Variants in INO80B observed in about 807,000 individuals in gnomAD.
INO80B encodes IES2 homolog.
Under a neutral mutation model 31.4 loss-of-function variants are expected in INO80B, and 18 were observed. The observed-to-expected ratio is 0.57, with a 90% CI of 0.40 to 0.85. The LOEUF (loss-of-function observed/expected upper bound fraction) is 0.85, where lower values mean the gene tolerates loss of function less well. Ranked by LOEUF, INO80B falls within the 40% of genes least tolerant of loss-of-function variation. The probability of loss-of-function intolerance (pLI) is 0.00; values close to 1 mark genes in which losing one functional copy is unlikely to be tolerated. For missense variants in INO80B, 469 were observed against 475.4 expected (o/e 0.99, Z 0.13); for synonymous variants, 238 against 199.0 (o/e 1.20, Z -1.65).
Position 74,456,256 on chromosome 2 carries a change from T to G in INO80B, c.524T>G (p.Leu175Arg). 2 of 1,614,136 alleles carry G rather than the reference T, an allele frequency of 1.2e-6. No homozygotes were observed. The highest frequency in any genetic ancestry group is 1.7e-6 in the Non-Finnish European group (2 of 1,180,032). ...GDLKKEINER[L>R]LTARQRALLQ... ...CTCAAGAAGGAGATCAATGAGCGGC[T>G]GCTTACTGCTCGACAGGTATGTTGG... Residue 175 changes from leucine (L) to arginine (R), a missense_variant, in exon 4 of 5, where the codon CTG (leucine) becomes CGG (arginine). Transcript: ENST00000233331.
intron 2 of INO80B, 107 bp from the exon 3 acceptor site, chr2:74,455,706 GGTCCA>G (rs1671674370): frequency 1.6e-5 from 22 of 1,405,100 alleles, no homozygotes; most frequent in Non-Finnish European, 2.2e-5. Flanking sequence ...GTGACTTCAG[GGTCCA>G]GATTTAGGCA....
At chr2:74,456,028 C>T (rs1375059499) in intron 3 of INO80B, 75 bp from the exon 4 acceptor site, 8 of 1,551,742 alleles carry the variant, frequency 5.2e-6, no homozygotes, top group Non-Finnish European at 7.1e-6. Context: ...TTTTCCATGT[C>T]CCAGTATTAA....
At position 74,457,608 on chromosome 2, in the gene INO80B, T is replaced by A; in HGVS notation, c.815T>A (p.Met272Lys). The change falls in exon 5 of 5, where the codon ATG becomes AAG. Residue 272 changes from methionine to lysine, a missense_variant. Physicochemically the swap from Met to Lys is moderately conservative, Grantham distance 95. Coordinates refer to ENST00000233331, the MANE Select transcript of INO80B (RefSeq NM_031288.4). ...RGGRAAAPAP[M>K]VRYCSGAQGS... ...GGGCGGGCTGCGGCTCCGGCCCCCA[T>A]GGTGCGCTACTGCAGCGGAGCACAG... 4 of 1,564,536 alleles carry A rather than the reference T, an allele frequency of 2.6e-6. No homozygotes were observed. The South Asian group carries it at 3.5e-5, about 14-fold the overall frequency.
intron 1 of INO80B, 49 bp from the exon 2 acceptor site, chr2:74,455,357 C>A: frequency 6.2e-7 from 1 of 1,609,156 alleles, no homozygotes; most frequent in South Asian, 1.1e-5. Flanking sequence ...TTCAGGGCTT[C>A]CCCTGCCACC....
rs547269541 is a variant in INO80B, at chr2:74,457,468, C to T, written c.675C>T (p.Leu225=). 50 of 1,559,460 alleles carry T rather than the reference C, an allele frequency of 3.2e-5. No individual in the cohort carries two copies. The Admixed American group carries it at 7.8e-4, about 24-fold the overall frequency. ...AGGAGCGGGCGCGGAAGCGGCGGCT[C>T]CAGGCGGCGCGGCGGGCAGAAGAGC... ...KREERARKRR[L]QAARRAEEHK... The change falls in exon 5 of 5, where the codon CTC becomes CTT. Residue 225 remains leucine (L), a synonymous_variant. Transcript: ENST00000233331.
intron 4 of INO80B, 140 bp from the exon 5 acceptor site, chr2:74,457,194 T>C: frequency 1.3e-6 from 1 of 787,128 alleles, no homozygotes; most frequent in South Asian, 1.9e-5. Context: ...TGCTCATTAA[T>C]TAATATCCCG....
At chr2:74,456,514 A>ATT (rs1443268829) in intron 4 of INO80B, among the ~76,000 whole-genome samples, 1 of 152,254 alleles carries the variant, frequency 6.6e-6, no homozygotes, top group African/African-American at 2.4e-5. Flanking sequence ...AAAGTGGCGT[A>ATT]AACAAACAGA....
chr2:74,455,715 T>A, intron 2 of INO80B, 103 bp from the exon 3 acceptor site: 1 of 1,410,424 alleles, frequency 7.1e-7, no homozygotes, highest in East Asian at 2.3e-5. Context: ...GGGTCCAGAT[T>A]TAGGCAGCAA....
At chr2:74,457,201 C>A in intron 4 of INO80B, 133 bp from the exon 5 acceptor site, 1 of 834,092 alleles carries the variant, frequency 1.2e-6, no homozygotes, top group Non-Finnish European at 1.8e-6. Flanking sequence ...TAATTAATAT[C>A]CCGCCTCCGA....
Position 74,456,156 on chromosome 2 carries a change from G to A in INO80B, c.424G>A (p.Gly142Arg), listed in dbSNP as rs759996973. 1.2e-5 allele frequency: 20 copies of A among 1,612,862 alleles called. No individual in the cohort carries two copies. The highest frequency in any genetic ancestry group is 2.7e-5 in the African/African-American group (2 of 75,038). ...SPLRDLSGGL[G>R]GQEEEEEQRW... Reference sequence around the variant, plus strand: ...ACTTCGGGACCTATCAGGAGGGTTAGGGGGTCAGGAGGAAGAGGAGGAACA... The same window carrying A: ...ACTTCGGGACCTATCAGGAGGGTTAAGGGGTCAGGAGGAAGAGGAGGAACA... Residue 142 changes from glycine (G) to arginine (R), a missense_variant, in exon 4 of 5, where the codon GGG becomes AGG. Transcript: ENST00000233331.
Position 74,457,747 on chromosome 2 carries a change from C to G in INO80B, c.954C>G (p.Arg318=). The part of the protein sequence containing the change: ...RCSVPGCPHP[R]RYACSRTGQA... Reference sequence around the variant, plus strand: ...CTGTCCCCGGCTGTCCCCATCCGCGCCGCTACGCTTGCTCCCGCACAGGCC... The same window carrying G: ...CTGTCCCCGGCTGTCCCCATCCGCGGCGCTACGCTTGCTCCCGCACAGGCC... Residue 318 remains arginine (R), a synonymous_variant, in exon 5 of 5, where the codon CGC becomes CGG. Transcript: ENST00000233331. 2 of 1,600,302 alleles carry G rather than the reference C, an allele frequency of 1.2e-6. No individual in the cohort carries two copies. The highest frequency in any genetic ancestry group is 1.7e-6 in the Non-Finnish European group (2 of 1,179,776).
rs766777558 is a variant in INO80B, at chr2:74,455,607, A to C, written c.251+9A>C. The stretch of plus-strand genomic sequence containing the variant: ...GTCCTGGGGACCAAGAGGTGAGGCC[A>C]AGAGGGTCATAGTTTTATAAGGGGA... On this transcript the variant is annotated intron_variant, in intron 2 of 4. Transcript: ENST00000233331. The C allele has an allele frequency of 2.5e-6, 4 of 1,600,210 alleles. No individual in the cohort carries two copies. In the East Asian group the frequency reaches 8.9e-5, roughly 36 times the overall value.
In INO80B at chr2:74,457,694, T is replaced by TC; in HGVS notation, c.906dup (p.Ser303LeufsTer29). 7 of 1,598,498 alleles carry TC rather than the reference T, an allele frequency of 4.4e-6. No homozygotes were observed. Among genetic ancestry groups the TC allele is most frequent in the Non-Finnish European group, 5.9e-6 (7 of 1,178,610 alleles). The stretch of plus-strand genomic sequence containing the variant: ...CCCCACGGCAGTGTCTCAGCGGCCA[T>TC]CCCCCTCAGGCCCGCCGCCGCGCTG... On this transcript the variant is annotated frameshift_variant, in exon 5 of 5. Transcript: ENST00000233331. LOFTEE classifies it high-confidence loss of function.
intron 4 of INO80B, among the ~76,000 whole-genome samples, chr2:74,456,970 G>C (rs920149726): frequency 1.3e-5 from 2 of 152,184 alleles, no homozygotes; most frequent in Non-Finnish European, 2.9e-5. Flanking sequence ...ATTTTGGCTT[G>C]AGCAGTTATC....
rs927038788 is a variant in INO80B at position 74,457,376 on chromosome 2, C to T, written c.583C>T (p.Leu195=). 1 of 1,608,154 alleles carries T rather than the reference C, an allele frequency of 6.2e-7. No individual in the cohort carries two copies. Among genetic ancestry groups the T allele is most frequent in the Non-Finnish European group, 8.5e-7 (1 of 1,177,846 alleles). Residue 195 remains leucine (L), a synonymous_variant, in exon 5 of 5, where the codon CTG becomes TTG. Coordinates refer to ENST00000233331, the MANE Select transcript of INO80B (RefSeq NM_031288.4). ...GGCGCGGAGTCAACCTTCCCCTATGCTGCCGCTGCCTGTAGCTGAGGGCTG... is the reference window on the plus strand; with the variant it reads ...GGCGCGGAGTCAACCTTCCCCTATGTTGCCGCTGCCTGTAGCTGAGGGCTG... ...QKARSQPSPM[L]PLPVAEGCPP...
intron 4 of INO80B, among the ~76,000 whole-genome samples, chr2:74,456,591 A>G (rs1369487414): frequency 6.6e-6 from 1 of 152,268 alleles, no homozygotes; most frequent in African/African-American, 2.4e-5. Flanking sequence ...AACATTTGCA[A>G]TACCAGAAGA....
At chr2:74,457,282 C>A in intron 4 of INO80B, 52 bp from the exon 5 acceptor site, 1 of 1,551,724 alleles carries the variant, frequency 6.4e-7, no homozygotes. Context: ...CCGACCTCGC[C>A]TCTCCATCTT....
chr2:74,455,192 A>C lies in INO80B; in HGVS notation c.58+18A>C. The C allele has an allele frequency of 6.2e-7, 1 of 1,613,898 alleles. No homozygotes were observed. The highest frequency in any genetic ancestry group is 8.5e-7 in the Non-Finnish European group (1 of 1,179,758). On this transcript the variant is annotated intron_variant, in intron 1 of 4. Coordinates refer to ENST00000233331, the MANE Select transcript of INO80B (RefSeq NM_031288.4). ...TGAGCCGGGTAAGCGCGAATAGATC[A>C]AGCAATTTAGGTCGTGTTAGAAAAG... is the stretch of plus-strand genomic sequence containing the variant.
Position 74,456,275 on chromosome 2 carries a change from A to G in INO80B, c.540+3A>G. On this transcript the variant is annotated splice_donor_region_variant and intron_variant, in intron 4 of 4. Coordinates refer to ENST00000233331, the MANE Select transcript of INO80B (RefSeq NM_031288.4). The stretch of plus-strand genomic sequence containing the variant: ...AGCGGCTGCTTACTGCTCGACAGGT[A>G]TGTTGGTTCATTGTTTATTCACTCA... 1.2e-6 allele frequency: 2 copies of G among 1,614,004 alleles called. No individual in the cohort carries two copies. Among genetic ancestry groups the G allele is most frequent in the Non-Finnish European group, 1.7e-6 (2 of 1,179,968 alleles).
Sources: allele counts gnomAD v4.1 joint callset (sites outside exome capture counted in the v4.1 genomes callset), GRCh38; gene constraint gnomAD v4.1.1; transcripts MANE v1.5; gene names NCBI Gene and HGNC (gene_info 2026-07-23, HGNC 2026-07-21).